DAB1: variants seen among roughly 807,000 people sequenced by gnomAD.
DAB1 encodes disabled homolog 1.
In DAB1, 15 loss-of-function variants were observed where a neutral mutation model predicts 64.6. The ratio of observed to expected loss-of-function variants is 0.23; its 90% CI spans 0.16 to 0.36. The LOEUF (loss-of-function observed/expected upper bound fraction) is 0.36. DAB1 is among the 10% of genes least tolerant of loss of function. The pLI, the probability that DAB1 is intolerant of heterozygous loss-of-function variation, is 1.00. For missense variants in DAB1, 596 were observed against 706.7 expected, an observed-to-expected ratio of 0.84 and a Z score of 1.78; for synonymous variants, 235 against 251.9, an observed-to-expected ratio of 0.93 and a Z score of 0.64.
At chr1:57,823,182 A>G (rs1652196684), downstream of DAB1, among the ~76,000 whole-genome samples, 1 of 151,918 alleles carries the variant, frequency 6.6e-6, no homozygotes, top group Non-Finnish European at 1.5e-5. Context: ...ATGGGGTTTC[A>G]CTATGTTGGC....
At chr1:57,769,014 C>A (rs1649443905) in intron 6 of DAB1, among the ~76,000 whole-genome samples, 1 of 152,116 alleles carries the variant, frequency 6.6e-6, no homozygotes, top group African/African-American at 2.4e-5. Context: ...TCTGGGCTCA[C>A]TTTGCCCTTC....
At chr1:58,105,963 A>G (rs1428278537) in intron 5 of DAB1, among the ~76,000 whole-genome samples, 3 of 152,208 alleles carry the variant, frequency 2.0e-5, no homozygotes, top group Non-Finnish European at 4.4e-5. Flanking sequence ...GGAATACAGA[A>G]ATGGCTCACG....
intron 2 of DAB1, among the ~76,000 whole-genome samples, chr1:57,284,955 G>A (rs1672197871): frequency 6.6e-6 from 1 of 152,208 alleles, no homozygotes; most frequent in Non-Finnish European, 1.5e-5. Flanking sequence ...CATCTGCCCT[G>A]TGATCACTGA....
chr1:57,200,023 T>C (rs1394265577), intron 2 of DAB1, among the ~76,000 whole-genome samples: 2 of 152,182 alleles, frequency 1.3e-5, no homozygotes, highest in Non-Finnish European at 2.9e-5. Flanking sequence ...CTCAGAGAAC[T>C]AGGTGACTGA....
In DAB1 at chr1:58,437,523, C is replaced by T. The variant is rs763422688; in HGVS notation, n.257+68537G>A. Among the ~76,000 whole-genome samples the T allele has an allele frequency of 8.1e-4, 123 of 152,244 alleles. 1 individual carries two copies. The highest frequency in any genetic ancestry group is 3.4e-3 in the Middle Eastern group (1 of 294). ...TTCACCATCCCCCACCCTCTGTACCCGGTTTTGTTCTTCTCCAGAGCACAT... is the reference window on the plus strand; with the variant it reads ...TTCACCATCCCCCACCCTCTGTACCTGGTTTTGTTCTTCTCCAGAGCACAT... On this transcript the variant is annotated intron_variant and non_coding_transcript_variant, in intron 3 of 20. Transcript: ENST00000485760.
At chr1:57,318,245 C>A (rs1188450655) in intron 1 of DAB1, among the ~76,000 whole-genome samples, 1 of 151,012 alleles carries the variant, frequency 6.6e-6, no homozygotes, top group East Asian at 2.0e-4. Context: ...GATTGTGGAA[C>A]TGAATGGTAG....
At chr1:58,458,272 G>C (rs1487867125) in intron 3 of DAB1, among the ~76,000 whole-genome samples, 3 of 152,182 alleles carry the variant, frequency 2.0e-5, no homozygotes, top group African/African-American at 2.4e-5. Flanking sequence ...GTCACAGAAA[G>C]TTCTACCAGA....
chr1:58,522,144 T>C (rs1211568393), intron 2 of DAB1, among the ~76,000 whole-genome samples: 3 of 152,166 alleles, frequency 2.0e-5, no homozygotes, highest in Non-Finnish European at 4.4e-5. Flanking sequence ...AGAAAAATCA[T>C]ATAATCATCT....
At chr1:57,907,261 G>A (rs1644567591) in intron 5 of DAB1, among the ~76,000 whole-genome samples, 2 of 152,174 alleles carry the variant, frequency 1.3e-5, no homozygotes, top group South Asian at 2.1e-4. Context: ...ACCTACAGAG[G>A]AGGCTGCACA....
chr1:57,343,916 G>A (rs1677874032), intron 1 of DAB1, among the ~76,000 whole-genome samples: 1 of 152,256 alleles, frequency 6.6e-6, no homozygotes, highest in South Asian at 2.1e-4. Context: ...CAAGGCCAAG[G>A]AGGCGCCCAG....
At chr1:57,138,474 A>G (rs1658316383) in intron 3 of DAB1, among the ~76,000 whole-genome samples, 1 of 152,056 alleles carries the variant, frequency 6.6e-6, no homozygotes, top group Non-Finnish European at 1.5e-5. Flanking sequence ...TTCCTCTTTC[A>G]GCCTTTCAAA....
chr1:58,129,234 T>A (rs1301930904), intron 5 of DAB1, among the ~76,000 whole-genome samples: 1 of 151,614 alleles, frequency 6.6e-6, no homozygotes, highest in Non-Finnish European at 1.5e-5. Flanking sequence ...GATTTTCTAG[T>A]TTATTTGCGT....
chr1:57,064,136 A>G (rs1297749249), intron 8 of DAB1, among the ~76,000 whole-genome samples: 1 of 152,198 alleles, frequency 6.6e-6, no homozygotes, highest in Non-Finnish European at 1.5e-5. Context: ...CTAGCTAACT[A>G]CACCATTGTT....
intron 6 of DAB1, among the ~76,000 whole-genome samples, chr1:57,709,115 C>T (rs114158313): frequency 0.017 from 2,601 of 152,008 alleles, 36 homozygotes; most frequent in South Asian, 0.027. Context: ...TGAAAAATAC[C>T]ATTAAAATAA....
At chr1:58,256,219 A>G (rs1660925006) in intron 4 of DAB1, among the ~76,000 whole-genome samples, 1 of 152,208 alleles carries the variant, frequency 6.6e-6, no homozygotes, top group Non-Finnish European at 1.5e-5. Context: ...GCCAGAGTCT[A>G]TGGGTGCACG....
chr1:57,512,989 G>A (rs1324427732), intron 7 of DAB1, among the ~76,000 whole-genome samples: 1 of 152,088 alleles, frequency 6.6e-6, no homozygotes, highest in Admixed American at 6.6e-5. Context: ...TCTGTGCCAG[G>A]CTTATTATAT....
At chr1:57,679,509 C>T (rs1241028346) in intron 6 of DAB1, among the ~76,000 whole-genome samples, 1 of 152,172 alleles carries the variant, frequency 6.6e-6, no homozygotes, top group Admixed American at 6.5e-5. Flanking sequence ...CAGGGCCATG[C>T]AGGTGAGATA....
At chr1:57,005,454 T>C (rs772953668) in intron 14 of DAB1, among the ~76,000 whole-genome samples, 31 of 152,174 alleles carry the variant, frequency 2.0e-4, no homozygotes, top group Non-Finnish European at 3.5e-4. Flanking sequence ...ATTTCTGTCT[T>C]CTCCTTTGTT....
chr1:57,125,604 A>C lies in DAB1; in HGVS notation c.306+10939T>G, dbSNP rs58521612. 4.7e-3 allele frequency among the ~76,000 whole-genome samples: 718 copies of C among 152,292 alleles called. 7 individuals carry two copies. The highest frequency in any genetic ancestry group is 0.017 in the African/African-American group (687 of 41,562). ...AGAAGGCAAGTTAGATGGATGGGTA[A>C]ATAGAAAGAAAAATGAGGGGAAAAT... On this transcript the variant is annotated intron_variant, in intron 4 of 14. Transcript: ENST00000371236.
Sources: gnomAD v4.1 joint callset for allele counts (sites outside exome capture counted in the v4.1 genomes callset) on GRCh38, gnomAD v4.1.1 for gene constraint, MANE v1.5 for transcripts, NCBI Gene and HGNC (gene_info 2026-07-23, HGNC 2026-07-21) for gene names.